NRG3: variants seen among roughly 807,000 people sequenced by gnomAD.
NRG3 encodes neuregulin 3.
NRG3 carries 31 observed loss-of-function variants against 66.9 expected under a neutral mutation model. The ratio of observed to expected loss-of-function variants is 0.46; its 90% CI spans 0.35 to 0.63. NRG3 has a LOEUF of 0.63. NRG3 is among the 20% of genes least tolerant of loss of function. The pLI is 0.00. For missense variants in NRG3, 910 were observed against 878.9 expected (o/e 1.04, Z -0.45); for synonymous variants, 393 against 359.4 (o/e 1.09, Z -1.06).
intron 1 of NRG3, among the ~76,000 whole-genome samples, chr10:81,973,788 TTACAGATG>T (rs1232092554): frequency 6.6e-6 from 1 of 152,198 alleles, no homozygotes. Context: ...TTTAAGTTCC[TTACAGATG>T]CTAGATATTA....
intron 1 of NRG3, among the ~76,000 whole-genome samples, chr10:82,224,605 A>T (rs1006337375): frequency 4.6e-5 from 7 of 152,240 alleles, no homozygotes; most frequent in African/African-American, 1.7e-4. Flanking sequence ...CATCCATAAT[A>T]TTAGCAAATA....
intron 1 of NRG3, among the ~76,000 whole-genome samples, chr10:82,102,092 T>C: frequency 1.9e-5 from 2 of 107,790 alleles, no homozygotes; most frequent in East Asian, 8.5e-4. Context: ...ATATGTGTAT[T>C]CATATATATA....
chr10:82,272,167 G>A (rs1418830884), intron 1 of NRG3, among the ~76,000 whole-genome samples: 1 of 152,004 alleles, frequency 6.6e-6, no homozygotes, highest in African/African-American at 2.4e-5. Context: ...TTGAATTGTG[G>A]CGAGAGCTTT....
intron 3 of NRG3, among the ~76,000 whole-genome samples, chr10:82,824,904 G>A (rs919981621): frequency 6.6e-6 from 1 of 151,784 alleles, no homozygotes; most frequent in Non-Finnish European, 1.5e-5. Flanking sequence ...TAGAGACAGG[G>A]TCTCACTGTG....
intron 1 of NRG3, among the ~76,000 whole-genome samples, chr10:82,171,593 G>A (rs1408408961): frequency 1.3e-5 from 2 of 152,106 alleles, no homozygotes; most frequent in Admixed American, 6.6e-5. Flanking sequence ...GTTCAAGTTA[G>A]TGGCTTAAGC....
chr10:82,206,669 A>G (rs1361038056), intron 1 of NRG3, among the ~76,000 whole-genome samples: 1 of 151,816 alleles, frequency 6.6e-6, no homozygotes, highest in Admixed American at 6.6e-5. Context: ...CTATGTCAGG[A>G]CTCTTTGAAT....
intron 3 of NRG3, among the ~76,000 whole-genome samples, chr10:82,801,538 TA>T (rs1176607170): frequency 6.6e-6 from 1 of 152,194 alleles, no homozygotes; most frequent in African/African-American, 2.4e-5. Context: ...AAGTAAGGGT[TA>T]ATCATTGTGT....
At chr10:81,956,581 A>G (rs1849855806) in intron 1 of NRG3, among the ~76,000 whole-genome samples, 1 of 152,162 alleles carries the variant, frequency 6.6e-6, no homozygotes, top group African/African-American at 2.4e-5. Context: ...TTCAAAATAT[A>G]GCCTGCATGC....
At chr10:82,464,615 G>A (rs1342884555) in intron 2 of NRG3, among the ~76,000 whole-genome samples, 1 of 152,194 alleles carries the variant, frequency 6.6e-6, no homozygotes, top group Non-Finnish European at 1.5e-5. Flanking sequence ...CAGCACCCTG[G>A]TCAGCAGCTT....
Position 82,742,755 on chromosome 10 carries a change from C to T in NRG3, c.1027+4105C>T, listed in dbSNP as rs563363474. ...TGAGGGATAGCAGCAGTAAGCTTCC[C>T]GGAAGCTGACTTGTAGACTCCTGCC... On this transcript the variant is annotated intron_variant, in intron 3 of 8. Coordinates refer to ENST00000372141, the MANE Select transcript of NRG3 (RefSeq NM_001010848.4). Among the ~76,000 whole-genome samples the T allele has an allele frequency of 2.9e-3, 439 of 152,200 alleles. 1 individual carries two copies. The highest frequency in any genetic ancestry group is 5.5e-3 in the Admixed American group (84 of 15,288).
intron 2 of NRG3, among the ~76,000 whole-genome samples, chr10:82,362,554 T>TTTTTTTTG (rs2084247271): frequency 7.0e-6 from 1 of 143,544 alleles, no homozygotes; most frequent in African/African-American, 2.6e-5. Flanking sequence ...CTGGGTTTTT[T>TTTTTTTTG]TTTTTTTTTT....
At chr10:82,096,435 T>C (rs2066349299) in intron 1 of NRG3, among the ~76,000 whole-genome samples, 1 of 151,766 alleles carries the variant, frequency 6.6e-6, no homozygotes, top group Non-Finnish European at 1.5e-5. Context: ...GAGATTGCAC[T>C]CCTGCACTCC....
chr10:82,182,300 G>A (rs376120366), intron 1 of NRG3, among the ~76,000 whole-genome samples: 1 of 151,108 alleles, frequency 6.6e-6, no homozygotes, highest in African/African-American at 2.4e-5. Flanking sequence ...GTTTTCTTTC[G>A]TTTTTGTAGT....
chr10:82,703,489 A>C lies in NRG3; in HGVS notation c.954-35088A>C, dbSNP rs1231411455. Among the ~76,000 whole-genome samples the C allele has an allele frequency of 2.0e-5, 3 of 152,156 alleles. No individual in the cohort carries two copies. The East Asian group carries it at 5.8e-4, about 29-fold the overall frequency. On this transcript the variant is annotated intron_variant, in intron 2 of 8. Transcript: ENST00000372141. ...CTATCTTGCTACTCACTGCAGGAAT[A>C]ACATGTCAGCACTAATGACACATAT... is the stretch of plus-strand genomic sequence containing the variant.
chr10:81,944,670 C>T (rs1589548903), intron 1 of NRG3, among the ~76,000 whole-genome samples: 1 of 152,070 alleles, frequency 6.6e-6, no homozygotes, highest in Non-Finnish European at 1.5e-5. Context: ...AGATGCAATT[C>T]ATGCTGAACC....
chr10:82,926,761 C>T (rs1377637265), intron 4 of NRG3, among the ~76,000 whole-genome samples: 1 of 152,194 alleles, frequency 6.6e-6, no homozygotes, highest in African/African-American at 2.4e-5. Flanking sequence ...GAGGCCTGGC[C>T]TCTCTCACAG....
intron 1 of NRG3, among the ~76,000 whole-genome samples, chr10:82,344,635 C>A (rs1378638825): frequency 7.3e-6 from 1 of 137,056 alleles, no homozygotes; most frequent in Admixed American, 7.0e-5. Context: ...TGAGGAATCG[C>A]CACACTGACT....
intron 2 of NRG3, among the ~76,000 whole-genome samples, chr10:82,495,558 C>T (rs11194699): frequency 0.53 from 80,609 of 151,870 alleles, 25,023 homozygotes; most frequent in South Asian, 0.75. Flanking sequence ...ACTGTTTTCC[C>T]AGAGTAATCT....
chr10:81,993,859 A>G (rs1322991936), intron 1 of NRG3, among the ~76,000 whole-genome samples: 1 of 152,192 alleles, frequency 6.6e-6, no homozygotes, highest in Admixed American at 6.5e-5. Flanking sequence ...AAAGCCCATG[A>G]AGCTGGGTTT....
Sources: allele counts gnomAD v4.1 joint callset (sites outside exome capture counted in the v4.1 genomes callset), GRCh38; gene constraint gnomAD v4.1.1; transcripts MANE v1.5; gene names NCBI Gene and HGNC (gene_info 2026-07-23, HGNC 2026-07-21).